SLC9C2: variants seen among roughly 807,000 people sequenced by gnomAD.
The protein encoded by SLC9C2 is sodium/hydrogen exchanger 11.
In SLC9C2, 75 loss-of-function variants were observed where a neutral mutation model predicts 140.2. The ratio of observed to expected loss-of-function variants is 0.53; its 90% CI spans 0.44 to 0.65. The LOEUF (loss-of-function observed/expected upper bound fraction) is 0.65. Among genes scored for constraint, SLC9C2 ranks in the 30% least tolerant of loss-of-function variants. The probability of loss-of-function intolerance (pLI) is 0.00; values close to 1 mark genes in which losing one functional copy is unlikely to be tolerated. For missense variants in SLC9C2, 1,074 were observed against 1,331.8 expected (o/e 0.81, Z 3.01); for synonymous variants, 375 against 420.9 (o/e 0.89, Z 1.34).
chr1:173,591,725 T>C (rs1666177279), intron 4 of SLC9C2, among the ~76,000 whole-genome samples: 1 of 152,164 alleles, frequency 6.6e-6, no homozygotes, highest in Non-Finnish European at 1.5e-5. Context: ...ATGGAGTTGT[T>C]TTCTTGTAAA....
intron 9 of SLC9C2, among the ~76,000 whole-genome samples, chr1:173,564,369 T>G (rs1248617121): frequency 6.6e-6 from 1 of 152,228 alleles, no homozygotes; most frequent in Non-Finnish European, 1.5e-5. Flanking sequence ...CATTTGTTAT[T>G]GCCTGTCTTT....
chr1:173,589,369 A>G (rs575554128), intron 4 of SLC9C2, among the ~76,000 whole-genome samples: 1 of 152,206 alleles, frequency 6.6e-6, no homozygotes, highest in African/African-American at 2.4e-5. Context: ...AGCAGCCTGG[A>G]CAAGAGAGCG....
intron 8 of SLC9C2, among the ~76,000 whole-genome samples, chr1:173,574,799 C>T (rs1235434979): frequency 1.3e-5 from 2 of 151,964 alleles, no homozygotes; most frequent in African/African-American, 4.8e-5. Context: ...CATGAGCCAC[C>T]GCACCCGGCC....
At chr1:173,576,804 A>G in intron 7 of SLC9C2, 44 bp from the exon 8 acceptor site, 1 of 1,157,882 alleles carries the variant, frequency 8.6e-7, no homozygotes, top group Non-Finnish European at 1.3e-6. Flanking sequence ...CAATGTATTC[A>G]TATCTGCACA....
At chr1:173,548,149 C>T (rs1662992002) in intron 12 of SLC9C2, among the ~76,000 whole-genome samples, 1 of 152,208 alleles carries the variant, frequency 6.6e-6, no homozygotes, top group African/African-American at 2.4e-5. Flanking sequence ...TGGTACTCAA[C>T]CAGCCAGATT....
At chr1:173,556,622 T>C (rs1663720316) in intron 10 of SLC9C2, among the ~76,000 whole-genome samples, 1 of 151,920 alleles carries the variant, frequency 6.6e-6, no homozygotes. Context: ...TATTGAAAAA[T>C]TGCATTTGTA....
intron 7 of SLC9C2, among the ~76,000 whole-genome samples, chr1:173,580,087 G>A (rs1308662197): frequency 6.6e-6 from 1 of 152,164 alleles, no homozygotes; most frequent in Non-Finnish European, 1.5e-5. Flanking sequence ...AGGGAAAAAA[G>A]CTTTTTAAAA....
intron 21 of SLC9C2, among the ~76,000 whole-genome samples, 177 bp downstream of exon 21, chr1:173,523,792 G>T (rs987341211): frequency 6.6e-6 from 1 of 152,162 alleles, no homozygotes; most frequent in Admixed American, 6.5e-5. Context: ...AACTATCTTT[G>T]CCCTTTAGGC....
At chr1:173,522,147 G>A (rs1244946116) in intron 21 of SLC9C2, among the ~76,000 whole-genome samples, 1 of 151,856 alleles carries the variant, frequency 6.6e-6, no homozygotes, top group East Asian at 1.9e-4. Flanking sequence ...GCGTGAACCC[G>A]GGAGGTGGAG....
At chr1:173,516,484 G>A (rs1407902914) in intron 23 of SLC9C2, among the ~76,000 whole-genome samples, 2 of 151,792 alleles carry the variant, frequency 1.3e-5, no homozygotes, top group East Asian at 1.9e-4. Context: ...CCTCCAATAG[G>A]CCCCAGTGTG....
intron 22 of SLC9C2, among the ~76,000 whole-genome samples, chr1:173,519,744 T>C (rs761414332): frequency 6.6e-6 from 1 of 152,194 alleles, no homozygotes; most frequent in Non-Finnish European, 1.5e-5. Context: ...GCTAAGCACA[T>C]GGATACTGGA....
intron 11 of SLC9C2, 34 bp from the exon 12 acceptor site, chr1:173,548,586 A>G: frequency 1.9e-6 from 3 of 1,611,664 alleles, no homozygotes; most frequent in Non-Finnish European, 2.5e-6. Context: ...GCCTTAATAG[A>G]GTACAGTGAG....
Position 173,554,606 on chromosome 1 carries a change from TAAATGAA to T in SLC9C2, c.1297+120_1297+126del. On this transcript the variant is annotated intron_variant, in intron 11 of 27. Coordinates refer to ENST00000367714, the MANE Select transcript of SLC9C2 (RefSeq NM_178527.4). ...GTAATACAGCATCTAAATATATGAA[TAAATGAA>T]AAATGAATAATTTCTAAACCAATTC... 5.9e-6 allele frequency: 4 copies of T among 682,622 alleles called. No homozygotes were observed. In the South Asian group the frequency reaches 7.6e-5, roughly 13 times the overall value. The allele number at this position is 682,622 out of a possible 1,614,324, so 42.3% of individuals were successfully genotyped here. A position where few individuals can be genotyped will look rare whatever the true frequency, so the allele number is the denominator to read the frequency against.
Position 173,541,694 on chromosome 1 carries a change from G to A in SLC9C2, c.1558-4655C>T, listed in dbSNP as rs187835039. 1.7e-3 allele frequency among the ~76,000 whole-genome samples: 259 copies of A among 152,260 alleles called. 1 individual carries two copies. The highest frequency in any genetic ancestry group is 5.8e-3 in the African/African-American group (239 of 41,542). ...ACAGTGCAATCAAATTAGAACTCAG[G>A]ATTAAGAAAGTCATTCAAAACTGCA... On this transcript the variant is annotated intron_variant, in intron 13 of 27. Coordinates refer to ENST00000367714, the MANE Select transcript of SLC9C2 (RefSeq NM_178527.4).
chr1:173,503,580 G>A (rs778265492), intron 26 of SLC9C2, among the ~76,000 whole-genome samples: 45 of 152,166 alleles, frequency 3.0e-4, no homozygotes, highest in Admixed American at 1.2e-3. Flanking sequence ...GTAAAGGCGA[G>A]AGTGAGCAGT....
In SLC9C2 at chr1:173,503,292, C is replaced by A. The variant is rs1280663100; in HGVS notation, c.3345G>T (p.Lys1115Asn). 1 of 1,613,688 alleles carries A rather than the reference C, an allele frequency of 6.2e-7. No homozygotes were observed. The highest frequency in any genetic ancestry group is 1.7e-5 in the Admixed American group (1 of 59,966). ...SVNTVFEQPG[K>N]NINGRQKMS ...TCATCTTTTGTCTTCCATTTATATT[C>A]TTTCCTGGTTGTTCAAAGACCGTGT... is the stretch of plus-strand genomic sequence containing the variant. Residue 1115 changes from lysine (K) to asparagine (N), a missense_variant, in exon 27 of 28, where the codon AAG (lysine) becomes AAT (asparagine). Physicochemically the swap from Lys to Asn is moderately conservative, Grantham distance 94 (BLOSUM62 0). Transcript: ENST00000367714.
chr1:173,561,842 T>TACACACACACACAGACACAG (rs1319648771), intron 9 of SLC9C2, among the ~76,000 whole-genome samples: 2 of 133,950 alleles, frequency 1.5e-5, no homozygotes, highest in Non-Finnish European at 3.0e-5. Flanking sequence ...TCACATAAGA[T>TACACACACACACAGACACAG]ACACACACAC....
chr1:173,530,750 C>T (rs1251856735), intron 17 of SLC9C2, among the ~76,000 whole-genome samples: 2 of 150,690 alleles, frequency 1.3e-5, no homozygotes, highest in Middle Eastern at 3.5e-3. Context: ...AAATCCACAT[C>T]GTCACTCACA....
chr1:173,552,604 AAAAC>A (rs142810310), intron 11 of SLC9C2, among the ~76,000 whole-genome samples: 4,026 of 152,340 alleles, frequency 0.026, 57 homozygotes, highest in Middle Eastern at 0.071. Flanking sequence ...AAAAAATGAA[AAAAC>A]AAAGCCTGGA....
Sources: gnomAD v4.1 joint callset for allele counts (sites outside exome capture counted in the v4.1 genomes callset) on GRCh38, gnomAD v4.1.1 for gene constraint, MANE v1.5 for transcripts, NCBI Gene and HGNC (gene_info 2026-07-23, HGNC 2026-07-21) for gene names.